The following EBF2 variants were observed in gnomAD, a reference collection of about 807,000 sequenced individuals.
EBF2 encodes EBF transcription factor 2, also known as transcription factor COE2.
EBF2 carries 21 observed loss-of-function variants against 72.8 expected under a neutral mutation model. The observed-to-expected ratio is 0.29, with a 90% CI of 0.20 to 0.42. EBF2 has a LOEUF of 0.42. Ranked by LOEUF, EBF2 falls within the 10% of genes least tolerant of loss-of-function variation. The pLI, the probability that EBF2 is intolerant of heterozygous loss-of-function variation, is 1.00. For missense variants in EBF2, 637 were observed against 731.2 expected, an observed-to-expected ratio of 0.87 and a Z score of 1.49; for synonymous variants, 299 against 274.2, an observed-to-expected ratio of 1.09 and a Z score of -0.89.
chr8:25,893,165 C>G (rs1802811602), intron 7 of EBF2, among the ~76,000 whole-genome samples: 1 of 151,790 alleles, frequency 6.6e-6, no homozygotes, highest in African/African-American at 2.4e-5. Flanking sequence ...AATCAAACCA[C>G]TCTTATAAAT....
Position 25,892,932 on chromosome 8 carries a change from GA to G in EBF2, c.634-3064del, listed in dbSNP as rs555114354. Among the ~76,000 whole-genome samples, 516 of 152,284 alleles carry G rather than the reference GA, an allele frequency of 3.4e-3. 11 individuals carry two copies. The highest frequency in any genetic ancestry group is 1.1e-3 in the Non-Finnish European group (78 of 68,030). On this transcript the variant is annotated intron_variant, in intron 7 of 15. Coordinates refer to ENST00000520164, the MANE Select transcript of EBF2 (RefSeq NM_022659.4). ...CCATGTTAACATGTTAGAATCTGGG[GA>G]AATTCCTTCCAGAAAGTTCCTATCA...
At chr8:25,928,242 T>C (rs1247121620) in intron 6 of EBF2, among the ~76,000 whole-genome samples, 3 of 152,202 alleles carry the variant, frequency 2.0e-5, no homozygotes, top group African/African-American at 7.2e-5. Context: ...TGTTGCCATC[T>C]AAGGTGCACA....
At chr8:25,978,923 G>A (rs1014025630) in intron 6 of EBF2, among the ~76,000 whole-genome samples, 15 of 152,170 alleles carry the variant, frequency 9.9e-5, no homozygotes, top group Admixed American at 8.5e-4. Flanking sequence ...GCGGAGTGGT[G>A]CGGGTTGGTT....
chr8:25,976,682 C>G (rs1459673539), intron 6 of EBF2, among the ~76,000 whole-genome samples: 1 of 152,180 alleles, frequency 6.6e-6, no homozygotes, highest in East Asian at 1.9e-4. Context: ...CTGATTCTCA[C>G]TTAATGCTGA....
chr8:25,915,502 G>C (rs73677427), intron 6 of EBF2, among the ~76,000 whole-genome samples: 1 of 150,914 alleles, frequency 6.6e-6, no homozygotes, highest in African/African-American at 2.4e-5. Flanking sequence ...TTTAGAGGAC[G>C]CAAAGGAAAA....
At chr8:25,901,538 G>A (rs1460915853) in intron 7 of EBF2, among the ~76,000 whole-genome samples, 1 of 152,010 alleles carries the variant, frequency 6.6e-6, no homozygotes, top group Non-Finnish European at 1.5e-5. Context: ...CTGCCCACAG[G>A]ATAGAGAACA....
Position 26,038,486 on chromosome 8 carries a change from T to C in EBF2, c.482+1542A>G, listed in dbSNP as rs534631162. Among the ~76,000 whole-genome samples, 305 of 152,344 alleles carry C rather than the reference T, an allele frequency of 2.0e-3. 1 individual carries two copies. Among genetic ancestry groups the C allele is most frequent in the African/African-American group, 7.1e-3 (295 of 41,570 alleles). ...GGCATGCAAGTATTATTTTAAATGA[T>C]AGGTATAATTCATTAGACAATGGAT... On this transcript the variant is annotated intron_variant, in intron 5 of 15. Coordinates refer to ENST00000520164, the MANE Select transcript of EBF2 (RefSeq NM_022659.4).
At chr8:26,023,017 T>C (rs1245807460) in intron 6 of EBF2, among the ~76,000 whole-genome samples, 1 of 152,206 alleles carries the variant, frequency 6.6e-6, no homozygotes, top group African/African-American at 2.4e-5. Context: ...GGTAGAATCC[T>C]AAATCTGCGA....
At chr8:26,017,154 T>TA (rs760786092) in intron 6 of EBF2, among the ~76,000 whole-genome samples, 7,338 of 139,364 alleles carry the variant, frequency 0.053, 310 homozygotes, top group African/African-American at 0.11. Context: ...TCCCCTTATT[T>TA]AAAAAAAAAA....
chr8:25,901,483 C>G (rs1039836107), intron 7 of EBF2, among the ~76,000 whole-genome samples: 8 of 151,416 alleles, frequency 5.3e-5, no homozygotes, highest in Non-Finnish European at 1.5e-5. Flanking sequence ...GATCTCAATT[C>G]CAGAATGCTA....
chr8:25,945,088 G>GCCCCCCCCCCCCCC (rs11461828), intron 6 of EBF2, among the ~76,000 whole-genome samples: 55 of 127,460 alleles, frequency 4.3e-4, no homozygotes, highest in African/African-American at 7.7e-4. Context: ...TTGTTCTGTT[G>GCCCCCCCCCCCCCC]CCCCCCCCGC....
In EBF2 at chr8:25,882,137, A is replaced by G. The variant is rs879938272; in HGVS notation, c.1009+4618T>C. ...CTACGGAAGGCTAAACTAAAAGAGC[A>G]CCTGTAACACACACCCACTGGGGCT... On this transcript the variant is annotated intron_variant, in intron 10 of 15. Coordinates refer to ENST00000520164, the MANE Select transcript of EBF2 (RefSeq NM_022659.4). Among the ~76,000 whole-genome samples the G allele has an allele frequency of 1.2e-3, 189 of 152,190 alleles. 1 individual carries two copies. Among genetic ancestry groups the G allele is most frequent in the African/African-American group, 4.4e-3 (182 of 41,540 alleles).
chr8:26,017,170 G>T (rs111651007), intron 6 of EBF2, among the ~76,000 whole-genome samples: 26 of 134,884 alleles, frequency 1.9e-4, no homozygotes, highest in African/African-American at 5.8e-4. Flanking sequence ...AAAAAAAAAA[G>T]ACTCAAAGGG....
At chr8:25,998,480 G>A (rs1281249763) in intron 6 of EBF2, among the ~76,000 whole-genome samples, 6 of 152,170 alleles carry the variant, frequency 3.9e-5, no homozygotes, top group Non-Finnish European at 5.9e-5. Flanking sequence ...GTGCATTTTC[G>A]GTGGTTTTGT....
intron 6 of EBF2, among the ~76,000 whole-genome samples, chr8:25,972,606 C>T (rs1804208272): frequency 6.6e-6 from 1 of 152,140 alleles, no homozygotes; most frequent in Admixed American, 6.5e-5. Context: ...GAAACCCCTG[C>T]CTCATTTTAC....
Position 26,044,799 on chromosome 8 carries a change from C to A in EBF2, c.61G>T (p.Ala21Ser), listed in dbSNP as rs545327036. The A allele has an allele frequency of 3.4e-5, 55 of 1,614,154 alleles. 3 individuals are homozygous for A. The South Asian group carries it at 5.9e-4, about 17-fold the overall frequency. Residue 21 changes from alanine to serine, a missense_variant, in exon 1 of 16, where the codon GCG (alanine) becomes TCG (serine). Ala to Ser is a moderately conservative substitution (Grantham distance 99, BLOSUM62 1). Around this residue, in one of 3 missense-constraint regions of EBF2, gnomAD observed 174 missense variants for 161.9 expected, o/e 1.07. Transcript: ENST00000520164. This position sits in a 1 kb window ranked among gnomAD's most constrained non-coding sequence, Gnocchi z 4.1. ...CAGGACCTGACCGAATCCATCTCCGCGCCCAGCGATTTCTCTTTCAGAGTT... is the reference window on the plus strand; with the variant it reads ...CAGGACCTGACCGAATCCATCTCCGAGCCCAGCGATTTCTCTTTCAGAGTT... ...GPTLKEKSLG[A>S]EMDSVRSWVR...
chr8:25,929,937 T>C (rs777852273), intron 6 of EBF2, among the ~76,000 whole-genome samples: 5 of 151,916 alleles, frequency 3.3e-5, no homozygotes, highest in Non-Finnish European at 7.4e-5. Context: ...AGAATGAGGG[T>C]TATAGACTTT....
chr8:25,884,899 C>A (rs1023471101), intron 10 of EBF2, among the ~76,000 whole-genome samples: 5 of 152,114 alleles, frequency 3.3e-5, no homozygotes, highest in Non-Finnish European at 4.4e-5. Context: ...GACACTTTAA[C>A]AAGAGTAGGA....
chr8:26,001,232 C>G (rs534569630), intron 6 of EBF2, among the ~76,000 whole-genome samples: 131 of 152,216 alleles, frequency 8.6e-4, no homozygotes, highest in Non-Finnish European at 1.6e-3. Context: ...AAGGGACATA[C>G]AGTCTGTGTC....
Sources: gnomAD v4.1 joint callset for allele counts (sites outside exome capture counted in the v4.1 genomes callset) on GRCh38, gnomAD v4.1.1 for gene constraint, gnomAD v4.1.1 regional missense constraint, Gnocchi (gnomAD v3.1) non-coding constraint, MANE v1.5 for transcripts, NCBI Gene and HGNC (gene_info 2026-07-23, HGNC 2026-07-21) for gene names.